Variants in ANKIB1 observed in about 807,000 individuals in gnomAD.
ANKIB1 encodes ankyrin repeat and IBR domain containing 1, also known as ankyrin repeat and IBR domain-containing protein 1.
A neutral mutation model predicts 122.1 loss-of-function variants in ANKIB1; 43 were observed. The ratio of observed to expected loss-of-function variants is 0.35; its 90% CI spans 0.28 to 0.45. ANKIB1 has a LOEUF of 0.45. ANKIB1 is among the 20% of genes least tolerant of loss of function. ANKIB1 has a pLI of 1.00. For synonymous variants in ANKIB1, 390 were observed against 442.0 expected (o/e 0.88, Z 1.48); for missense variants, 992 against 1,329.5 (o/e 0.75, Z 3.95).
intron 2 of ANKIB1, among the ~76,000 whole-genome samples, chr7:92,300,347 CT>C (rs1207599495): frequency 6.6e-6 from 1 of 152,054 alleles, no homozygotes; most frequent in African/African-American, 2.4e-5. Flanking sequence ...TACCAAAAGT[CT>C]TTGGATATTT....
Position 92,387,896 on chromosome 7 carries a change from ATCAT to A in ANKIB1, c.1839+14_1839+17del. On this transcript the variant is annotated intron_variant, in intron 13 of 19. Coordinates refer to ENST00000265742, the MANE Select transcript of ANKIB1 (RefSeq NM_019004.2). ...AGCATAGTTATCAGGTATGTCCCAA[ATCAT>A]TTCAAATGAGCTGACCTATACTGTT... The A allele has an allele frequency of 3.7e-6, 6 of 1,610,768 alleles. No individual in the cohort carries two copies. Among genetic ancestry groups the A allele is most frequent in the Non-Finnish European group, 5.1e-6 (6 of 1,177,800 alleles).
intron 9 of ANKIB1, among the ~76,000 whole-genome samples, chr7:92,357,664 G>C (rs1803846647): frequency 6.6e-6 from 1 of 150,700 alleles, no homozygotes; most frequent in African/African-American, 2.4e-5. Flanking sequence ...GAGCTCAGGA[G>C]GTGGAAGCTG....
intron 1 of ANKIB1, among the ~76,000 whole-genome samples, chr7:92,272,984 A>C (rs1801827941): frequency 6.6e-6 from 1 of 152,214 alleles, no homozygotes; most frequent in Non-Finnish European, 1.5e-5. Context: ...ATATCAAAAC[A>C]TAGAAAAATT....
chr7:92,272,434 A>T (rs1801816339), intron 1 of ANKIB1, among the ~76,000 whole-genome samples: 1 of 152,208 alleles, frequency 6.6e-6, no homozygotes, highest in Admixed American at 6.5e-5. Flanking sequence ...GGACAAAAAA[A>T]TTACCTTTAA....
At chr7:92,371,447 AT>A in intron 10 of ANKIB1, 29 bp from the exon 11 acceptor site, 1 of 1,582,376 alleles carries the variant, frequency 6.3e-7, no homozygotes, top group Non-Finnish European at 8.6e-7. Context: ...TAAATCATTT[AT>A]TTTTGTGATT....
intron 11 of ANKIB1, among the ~76,000 whole-genome samples, chr7:92,384,307 T>A (rs990674144): frequency 6.6e-6 from 1 of 152,174 alleles, no homozygotes; most frequent in Non-Finnish European, 1.5e-5. Context: ...ATGTCCATAC[T>A]GCCCAAGGTA....
intron 1 of ANKIB1, among the ~76,000 whole-genome samples, chr7:92,248,801 T>G (rs1394579004): frequency 6.6e-6 from 1 of 152,128 alleles, no homozygotes; most frequent in Admixed American, 6.5e-5. Context: ...GGGGGAATGG[T>G]AATTTTTGGA....
chr7:92,344,884 C>A, intron 6 of ANKIB1, 94 bp from the exon 7 acceptor site: 3 of 973,050 alleles, frequency 3.1e-6, no homozygotes, highest in South Asian at 1.6e-5. Flanking sequence ...AATTACTGTA[C>A]TAGTATTTTT....
chr7:92,349,843 T>C (rs2131982779), intron 7 of ANKIB1, among the ~76,000 whole-genome samples: 1 of 152,152 alleles, frequency 6.6e-6, no homozygotes, highest in South Asian at 2.1e-4. Flanking sequence ...ATCATATGGC[T>C]TGTTGGTGGC....
intron 3 of ANKIB1, among the ~76,000 whole-genome samples, chr7:92,314,686 A>G (rs1037655886): frequency 2.6e-5 from 4 of 152,322 alleles, no homozygotes; most frequent in Non-Finnish European, 4.4e-5. Context: ...TAATATGACT[A>G]TCAAGCTACC....
chr7:92,338,936 AT>A lies in ANKIB1; in HGVS notation c.788-4087del, dbSNP rs1562786337. 4.4e-3 allele frequency among the ~76,000 whole-genome samples: 99 copies of A among 22,444 alleles called. 2 individuals are homozygous for A. The highest frequency in any genetic ancestry group is 7.4e-3 in the Non-Finnish European group (84 of 11,428). 14.7% of individuals were successfully genotyped at this position (22,444 alleles called of 152,430 possible). ...CAAAAAAAAAAAAAAAAAAAAAAAT[AT>A]ATATATATATATATATATATATATA... On this transcript the variant is annotated intron_variant, in intron 5 of 19. Transcript: ENST00000265742.
chr7:92,252,769 T>C (rs1027463488), intron 1 of ANKIB1, among the ~76,000 whole-genome samples: 1 of 152,100 alleles, frequency 6.6e-6, no homozygotes, highest in African/African-American at 2.4e-5. Flanking sequence ...TCTCATTGAT[T>C]GTGCATTTCC....
At chr7:92,298,214 A>G (rs980712305) in intron 2 of ANKIB1, among the ~76,000 whole-genome samples, 7 of 152,234 alleles carry the variant, frequency 4.6e-5, no homozygotes, top group African/African-American at 1.4e-4. Flanking sequence ...TAATCTATTA[A>G]GGCTTTTTAA....
chr7:92,262,970 G>C (rs1222261322), intron 1 of ANKIB1, among the ~76,000 whole-genome samples: 1 of 152,102 alleles, frequency 6.6e-6, no homozygotes, highest in Non-Finnish European at 1.5e-5. Flanking sequence ...TTGGAAAAAA[G>C]ACTTAAAAAC....
At chr7:92,347,628 A>G (rs575576228) in intron 7 of ANKIB1, among the ~76,000 whole-genome samples, 12 of 152,306 alleles carry the variant, frequency 7.9e-5, no homozygotes, top group African/African-American at 2.6e-4. Flanking sequence ...TGATCGATCA[A>G]TCGACAGATT....
intron 1 of ANKIB1, among the ~76,000 whole-genome samples, chr7:92,285,309 C>A (rs1352768335): frequency 6.6e-6 from 1 of 152,218 alleles, no homozygotes; most frequent in African/African-American, 2.4e-5. Context: ...GCCACTGTGT[C>A]CAGCCTAGGC....
intron 2 of ANKIB1, 84 bp from the exon 3 acceptor site, chr7:92,307,274 CT>C (rs1271877712): frequency 7.5e-7 from 1 of 1,339,692 alleles, no homozygotes; most frequent in African/African-American, 1.5e-5. Context: ...TAGAGTTTAT[CT>C]TTTAAAAGTG....
At position 92,389,995 on chromosome 7, in the gene ANKIB1, C is replaced by T; in HGVS notation, c.1931C>T (p.Thr644Ile). The T allele has an allele frequency of 6.2e-7, 1 of 1,600,470 alleles. No homozygotes were observed. Among genetic ancestry groups the T allele is most frequent in the East Asian group, 2.3e-5 (1 of 43,998 alleles). Reference protein sequence around the residue: ...KETEGGCPDTTFIEDAVHVLL... With the variant: ...KETEGGCPDTIFIEDAVHVLL... ...GCTGAAGGAGGCTGTCCAGATACCA[C>T]TTTCATTGAAGATGCAGTTCATGTG... Residue 644 changes from threonine to isoleucine, a missense_variant, in exon 15 of 20, where the codon ACT (threonine) becomes ATT (isoleucine). Thr to Ile is a moderately conservative substitution (Grantham distance 89). Transcript: ENST00000265742.
chr7:92,246,637 C>G (rs1266623552), intron 1 of ANKIB1, 118 bp downstream of exon 1: 1 of 453,864 alleles, frequency 2.2e-6, no homozygotes, highest in African/African-American at 2.0e-5. Context: ...TGTCTGTCGC[C>G]TGTTTTGGAG....
Sources: allele counts gnomAD v4.1 joint callset (sites outside exome capture counted in the v4.1 genomes callset), GRCh38; gene constraint gnomAD v4.1.1; transcripts MANE v1.5; gene names NCBI Gene and HGNC (gene_info 2026-07-23, HGNC 2026-07-21).